CPQ: variants seen among roughly 807,000 people sequenced by gnomAD.
The protein encoded by CPQ is carboxypeptidase Q, also known as Ser-Met dipeptidase.
CPQ carries 37 observed loss-of-function variants against 45.7 expected under a neutral mutation model. The ratio of observed to expected loss-of-function variants is 0.81; its 90% confidence interval spans 0.62 to 1.07. CPQ has a LOEUF of 1.07. Ranked by LOEUF, CPQ falls within the 50% of genes least tolerant of loss-of-function variation. The pLI is 0.00. For synonymous variants in CPQ, 186 were observed against 205.8 expected, an observed-to-expected ratio of 0.90 and a Z score of 0.82; for missense variants, 537 against 572.9, an observed-to-expected ratio of 0.94 and a Z score of 0.64.
In CPQ at chr8:96,758,455, A is replaced by C. The variant is rs141147845; in HGVS notation, c.-34-26409A>C. On this transcript the variant is annotated intron_variant, in intron 1 of 7. Transcript: ENST00000220763. Reference sequence around the variant, plus strand: ...CTAAAACTACACCTGCCAACCTATTACTGATGATACATTAAATGGAATTTT... The same window carrying C: ...CTAAAACTACACCTGCCAACCTATTCCTGATGATACATTAAATGGAATTTT... Among the ~76,000 whole-genome samples the C allele has an allele frequency of 4.8e-3, 724 of 152,332 alleles. 11 individuals are homozygous for C. The highest frequency in any genetic ancestry group is 0.012 in the African/African-American group (510 of 41,582).
intron 7 of CPQ, among the ~76,000 whole-genome samples, chr8:97,136,619 C>T (rs1046499650): frequency 1.3e-5 from 2 of 152,224 alleles, no homozygotes; most frequent in Non-Finnish European, 2.9e-5. Context: ...CTGTATCTCC[C>T]TCCTAGGTGC....
At chr8:97,040,898 A>C (rs1219663440) in intron 6 of CPQ, among the ~76,000 whole-genome samples, 1 of 152,140 alleles carries the variant, frequency 6.6e-6, no homozygotes, top group African/African-American at 2.4e-5. Context: ...CTTGTAGTAT[A>C]GTTTGAAGTC....
At chr8:97,045,535 C>T (rs1208187895) in intron 6 of CPQ, among the ~76,000 whole-genome samples, 2 of 152,176 alleles carry the variant, frequency 1.3e-5, no homozygotes, top group Non-Finnish European at 2.9e-5. Flanking sequence ...GTGAGATGAA[C>T]CTGGTACCTC....
intron 4 of CPQ, among the ~76,000 whole-genome samples, chr8:96,888,009 T>G (rs1032455533): frequency 6.6e-5 from 10 of 152,208 alleles, no homozygotes; most frequent in Non-Finnish European, 1.5e-4. Flanking sequence ...CTTTCTTTTT[T>G]CAGTGTGGGG....
chr8:96,741,725 G>T (rs541850600), intron 1 of CPQ, among the ~76,000 whole-genome samples: 2 of 151,678 alleles, frequency 1.3e-5, no homozygotes, highest in African/African-American at 2.4e-5. Context: ...CCTTCATTTC[G>T]TTATGTACCC....
chr8:96,993,605 T>C (rs1809131073), intron 5 of CPQ, among the ~76,000 whole-genome samples: 1 of 152,172 alleles, frequency 6.6e-6, no homozygotes, highest in Admixed American at 6.6e-5. Context: ...CTAATTCAAA[T>C]AATATCTATC....
At chr8:96,671,886 G>GCTCAA (rs1809008565) in intron 1 of CPQ, among the ~76,000 whole-genome samples, 1 of 151,926 alleles carries the variant, frequency 6.6e-6, no homozygotes, top group Non-Finnish European at 1.5e-5. Context: ...GAAAACTTGG[G>GCTCAA]GCAACTAAAA....
intron 1 of CPQ, among the ~76,000 whole-genome samples, chr8:96,762,162 T>G (rs1210297639): frequency 6.6e-6 from 1 of 152,218 alleles, no homozygotes; most frequent in African/African-American, 2.4e-5. Flanking sequence ...AGTTTCATAT[T>G]TTAAGAATAG....
chr8:96,702,463 CAT>C (rs1323455396), intron 1 of CPQ, among the ~76,000 whole-genome samples: 13 of 152,166 alleles, frequency 8.5e-5, no homozygotes, highest in Non-Finnish European at 1.3e-4. Flanking sequence ...GTATCCATCA[CAT>C]GTTTTTACTG....
chr8:96,705,294 T>C (rs192506072), intron 1 of CPQ, among the ~76,000 whole-genome samples: 145 of 152,292 alleles, frequency 9.5e-4, no homozygotes, highest in African/African-American at 3.2e-3. Flanking sequence ...TTCTTTAAAA[T>C]CATGCTTGAA....
chr8:96,670,924 AGGAC>A (rs141069302), intron 1 of CPQ, among the ~76,000 whole-genome samples: 3,625 of 152,112 alleles, frequency 0.024, 160 homozygotes, highest in African/African-American at 0.083. Context: ...AAAGAGCAAC[AGGAC>A]GGACGGATCC....
chr8:97,096,803 T>C (rs1251869109), intron 7 of CPQ, among the ~76,000 whole-genome samples: 1 of 152,220 alleles, frequency 6.6e-6, no homozygotes, highest in Admixed American at 6.5e-5. Context: ...CAGAATCTCT[T>C]GGTTGCTGCC....
At chr8:97,038,599 G>A (rs965191377) in intron 6 of CPQ, among the ~76,000 whole-genome samples, 1 of 152,076 alleles carries the variant, frequency 6.6e-6, no homozygotes, top group African/African-American at 2.4e-5. Flanking sequence ...TACAGAGTCA[G>A]CAAACCACTT....
At chr8:97,058,564 A>G (rs1810492941) in intron 6 of CPQ, among the ~76,000 whole-genome samples, 1 of 152,188 alleles carries the variant, frequency 6.6e-6, no homozygotes, top group Non-Finnish European at 1.5e-5. Context: ...GGAGAAGAAT[A>G]GTAGTGTGGT....
chr8:97,141,192 A>C (rs1404752862), intron 7 of CPQ, among the ~76,000 whole-genome samples: 1 of 152,136 alleles, frequency 6.6e-6, no homozygotes, highest in Non-Finnish European at 1.5e-5. Context: ...CATAAATCCA[A>C]CTACATTGAA....
Position 97,095,693 on chromosome 8 carries a change from C to T in CPQ, c.1255+29483C>T, listed in dbSNP as rs1033757094. Among the ~76,000 whole-genome samples, 3 of 152,184 alleles carry T rather than the reference C, an allele frequency of 2.0e-5. No homozygotes were observed. In the South Asian group the frequency reaches 6.2e-4, roughly 31 times the overall value. ...AAAAACACCAAATTATTTCACAATT[C>T]CTTATTTCATATGCTATTATTCCCT... On this transcript the variant is annotated intron_variant, in intron 7 of 7. Transcript: ENST00000220763.
At position 96,950,207 on chromosome 8, in the gene CPQ, T is replaced by C. The variant is rs536765619; in HGVS notation, c.850-15728T>C. The stretch of plus-strand genomic sequence containing the variant: ...AGTTACATTACACAGTAGTCGAGAA[T>C]AAACTTCTTTAATGGGTTTATGTGA... On this transcript the variant is annotated intron_variant, in intron 4 of 7. Coordinates refer to ENST00000220763, the MANE Select transcript of CPQ (RefSeq NM_016134.4). Among the ~76,000 whole-genome samples the C allele has an allele frequency of 2.0e-5, 3 of 152,288 alleles. No individual in the cohort carries two copies. The East Asian group carries it at 5.8e-4, about 29-fold the overall frequency.
chr8:96,816,477 C>A (rs778874819), intron 2 of CPQ, among the ~76,000 whole-genome samples: 1 of 152,158 alleles, frequency 6.6e-6, no homozygotes, highest in Non-Finnish European at 1.5e-5. Flanking sequence ...GAATCAACTT[C>A]TTCCAAACTC....
intron 7 of CPQ, among the ~76,000 whole-genome samples, chr8:97,122,987 T>A (rs1395949268): frequency 2.7e-4 from 11 of 40,338 alleles, no homozygotes; most frequent in East Asian, 1.7e-3. Flanking sequence ...AAAATTAAAA[T>A]AAAATAAAAT....
Sources: allele counts gnomAD v4.1 joint callset (sites outside exome capture counted in the v4.1 genomes callset), GRCh38; gene constraint gnomAD v4.1.1; transcripts MANE v1.5; gene names NCBI Gene and HGNC (gene_info 2026-07-23, HGNC 2026-07-21).